Variants in CUL3 observed in about 807,000 individuals in gnomAD.
CUL3 encodes the protein cullin 3.
CUL3 carries 19 observed loss-of-function variants against 89.1 expected under a neutral mutation model. The observed-to-expected ratio is 0.21, with a 90% CI of 0.15 to 0.31. CUL3 has a LOEUF of 0.31. Ranked by LOEUF, CUL3 falls within the 10% of genes least tolerant of loss-of-function variation. CUL3 has a pLI of 1.00. For synonymous variants in CUL3, 351 were observed against 308.4 expected (o/e 1.14, Z -1.45); for missense variants, 469 against 942.3 (o/e 0.50, Z 6.58).
intron 13 of CUL3, among the ~76,000 whole-genome samples, chr2:224,490,201 G>A (rs376772363): frequency 2.6e-4 from 40 of 152,238 alleles, no homozygotes; most frequent in Non-Finnish European, 4.1e-4. Flanking sequence ...CTCCTAGTCC[G>A]CTTTCATGTT....
chr2:224,500,319 A>C, intron 11 of CUL3, 44 bp downstream of exon 11: 4 of 1,597,276 alleles, frequency 2.5e-6, no homozygotes, highest in Non-Finnish European at 3.4e-6. Context: ...TTAATTTTGA[A>C]CACTTACTTG....
intron 1 of CUL3, among the ~76,000 whole-genome samples, chr2:224,578,847 A>G (rs1029523669): frequency 2.0e-5 from 3 of 152,142 alleles, no homozygotes; most frequent in Admixed American, 6.5e-5. Context: ...AAGTCCCCCA[A>G]TGTATAATAT....
chr2:224,572,571 G>A (rs1695205720), intron 1 of CUL3, among the ~76,000 whole-genome samples: 1 of 150,320 alleles, frequency 6.7e-6, no homozygotes, highest in Non-Finnish European at 1.5e-5. Flanking sequence ...GGCCCTGGAG[G>A]GCATGGCTAC....
chr2:224,525,403 T>C (rs1405197049), intron 3 of CUL3, among the ~76,000 whole-genome samples: 2 of 152,212 alleles, frequency 1.3e-5, no homozygotes, highest in Admixed American at 1.3e-4. Context: ...TTCTTAATCT[T>C]TCTAACCTCA....
intron 10 of CUL3, 56 bp from the exon 11 acceptor site, chr2:224,500,543 TTC>T (rs1344160622): frequency 6.3e-7 from 1 of 1,577,344 alleles, no homozygotes; most frequent in African/African-American, 1.3e-5. Context: ...TTGCTTTCTG[TTC>T]TGTTTAGACA....
At position 224,534,512 on chromosome 2, in the gene CUL3, A is replaced by G. The variant is rs147335190; in HGVS notation, c.378+1016T>C. On this transcript the variant is annotated intron_variant, in intron 3 of 15. Transcript: ENST00000264414. ...AAGAATTAAGGATTTAAAAACTTGT[A>G]AGAGAATATTCAGCTTTTGTTTCTC... Among the ~76,000 whole-genome samples, 85 of 152,330 alleles carry G rather than the reference A, an allele frequency of 5.6e-4. 1 individual carries two copies. In the East Asian group the frequency reaches 0.014, roughly 26 times the overall value.
Position 224,487,380 on chromosome 2 carries a change from T to C in CUL3, c.1843-5302A>G, listed in dbSNP as rs192556296. On this transcript the variant is annotated intron_variant, in intron 13 of 15. Transcript: ENST00000264414. ...CTGTATTCAGGAGACCCATCTTACA[T>C]GCAAAGGCACACACAGGCTCAAAAT... 6.0e-4 allele frequency among the ~76,000 whole-genome samples: 81 copies of C among 135,730 alleles called. 1 individual carries two copies. Among genetic ancestry groups the C allele is most frequent in the African/African-American group, 2.2e-3 (76 of 35,202 alleles). 89.0% of individuals were successfully genotyped at this position (135,730 alleles called of 152,430 possible). A position where few individuals can be genotyped will look rare whatever the true frequency, so the allele number is the denominator to read the frequency against.
At position 224,575,932 on chromosome 2, in the gene CUL3, T is replaced by C. The variant is rs16866067; in HGVS notation, c.66+9012A>G. Among the ~76,000 whole-genome samples, 1,258 of 152,230 alleles carry C rather than the reference T, an allele frequency of 8.3e-3. 10 individuals are homozygous for C. The highest frequency in any genetic ancestry group is 0.029 in the African/African-American group (1,200 of 41,538). On this transcript the variant is annotated intron_variant, in intron 1 of 15. Transcript: ENST00000264414. ...AACACACAATAAACGTATTTTAAATTGAATAAATGAATGACTTCCACATGC... is the reference window on the plus strand; with the variant it reads ...AACACACAATAAACGTATTTTAAATCGAATAAATGAATGACTTCCACATGC...
At chr2:224,535,502 G>T (rs1245345593) in intron 3 of CUL3, 26 bp downstream of exon 3, 2 of 1,468,516 alleles carry the variant, frequency 1.4e-6, no homozygotes, top group East Asian at 4.6e-5. Flanking sequence ...CTTAAAGGAA[G>T]AAAACATTTA....
chr2:224,513,231 T>C (rs1559157289), intron 5 of CUL3, among the ~76,000 whole-genome samples: 1 of 152,182 alleles, frequency 6.6e-6, no homozygotes, highest in African/African-American at 2.4e-5. Flanking sequence ...AAGTTTTATG[T>C]GGACTTTTGA....
chr2:224,574,461 C>A (rs888550161), intron 1 of CUL3, among the ~76,000 whole-genome samples: 1 of 152,136 alleles, frequency 6.6e-6, no homozygotes. Flanking sequence ...AAAAAAGATT[C>A]ATTAATAATT....
chr2:224,512,002 T>TCA (rs1229100338), intron 5 of CUL3, among the ~76,000 whole-genome samples: 4 of 152,208 alleles, frequency 2.6e-5, no homozygotes, highest in Non-Finnish European at 5.9e-5. Flanking sequence ...TGCTGGTTAA[T>TCA]TAAGTCTTCC....
chr2:224,532,302 G>C (rs896885060), intron 3 of CUL3, among the ~76,000 whole-genome samples: 10 of 152,130 alleles, frequency 6.6e-5, no homozygotes, highest in African/African-American at 1.9e-4. Flanking sequence ...CTATTTAAGG[G>C]GGGATGGTGG....
intron 11 of CUL3, chr2:224,499,392 A>G (rs905827750): frequency 7.9e-5 from 19 of 239,848 alleles, no homozygotes; most frequent in African/African-American, 4.4e-4. Context: ...ACTAAGGTGA[A>G]GAATTTGTAC....
chr2:224,548,168 A>T (rs1314869532), intron 2 of CUL3, among the ~76,000 whole-genome samples: 1 of 152,234 alleles, frequency 6.6e-6, no homozygotes, highest in East Asian at 1.9e-4. Flanking sequence ...CACTGGTAAA[A>T]CAAAAGTGCT....
chr2:224,549,429 T>C (rs1694427891), intron 2 of CUL3, among the ~76,000 whole-genome samples: 1 of 152,128 alleles, frequency 6.6e-6, no homozygotes, highest in South Asian at 2.1e-4. Context: ...TAACCTAAAC[T>C]TATCAAGACA....
chr2:224,535,401 C>T (rs1693857579), intron 3 of CUL3, 127 bp downstream of exon 3: 1 of 572,104 alleles, frequency 1.7e-6, no homozygotes, highest in Middle Eastern at 3.4e-4. Flanking sequence ...ATGTCCTGAC[C>T]TTAAATGATA....
At chr2:224,484,344 A>G (rs1161453588) in intron 13 of CUL3, among the ~76,000 whole-genome samples, 2 of 152,068 alleles carry the variant, frequency 1.3e-5, no homozygotes, top group African/African-American at 4.8e-5. Context: ...TTTAATTTGT[A>G]CTTCTCATGA....
intron 3 of CUL3, among the ~76,000 whole-genome samples, chr2:224,531,772 G>T (rs1693704710): frequency 6.6e-6 from 1 of 152,138 alleles, no homozygotes; most frequent in Non-Finnish European, 1.5e-5. Flanking sequence ...AACATTTCCA[G>T]ACAGAAGATA....
Sources: allele counts gnomAD v4.1 joint callset (sites outside exome capture counted in the v4.1 genomes callset), GRCh38; gene constraint gnomAD v4.1.1; transcripts MANE v1.5; gene names NCBI Gene and HGNC (gene_info 2026-07-23, HGNC 2026-07-21).